The following TTLL11 variants were observed in gnomAD, a reference collection of about 807,000 sequenced individuals.
TTLL11 encodes tubulin polyglutamylase TTLL11.
Under a neutral mutation model 51.7 loss-of-function variants are expected in TTLL11, and 42 were observed. That is an observed-to-expected ratio of 0.81 (90% CI 0.64 to 1.05). The LOEUF (loss-of-function observed/expected upper bound fraction) is 1.05, where lower values mean the gene tolerates loss of function less well. Ranked by LOEUF, TTLL11 falls within the 50% of genes least tolerant of loss-of-function variation. TTLL11 has a pLI of 0.00. For missense variants in TTLL11, 799 were observed against 940.4 expected (o/e 0.85, Z 1.97); for synonymous variants, 381 against 383.5 (o/e 0.99, Z 0.08).
intron 8 of TTLL11, among the ~76,000 whole-genome samples, chr9:121,832,702 G>A: frequency 6.6e-6 from 1 of 152,172 alleles, no homozygotes; most frequent in East Asian, 1.9e-4. Flanking sequence ...CACTTTGAGA[G>A]GCCAAAGTGG....
In TTLL11 at chr9:122,065,456, T is replaced by G. The variant is rs570474112; in HGVS notation, c.463-26088A>C. Among the ~76,000 whole-genome samples, 16 of 152,316 alleles carry G rather than the reference T, an allele frequency of 1.1e-4. No individual in the cohort carries two copies. The South Asian group carries it at 1.7e-3, about 16-fold the overall frequency. On this transcript the variant is annotated intron_variant, in intron 1 of 8. Coordinates refer to ENST00000321582, the MANE Select transcript of TTLL11 (RefSeq NM_001139442.2). ...GTCTTCTTAGCATAGGTTATGTGACTTCTGTCAAAACAAAACTGATTCCCA... is the reference window on the plus strand; with the variant it reads ...GTCTTCTTAGCATAGGTTATGTGACGTCTGTCAAAACAAAACTGATTCCCA...
At chr9:121,907,114 C>T (rs903236772) in intron 6 of TTLL11, among the ~76,000 whole-genome samples, 3 of 152,066 alleles carry the variant, frequency 2.0e-5, no homozygotes, top group Non-Finnish European at 4.4e-5. Context: ...TTTCTTTATG[C>T]CCATGTTCGT....
chr9:122,040,511 G>C, intron 1 of TTLL11: 3 of 685,042 alleles, frequency 4.4e-6, no homozygotes, highest in Non-Finnish European at 5.4e-6. Context: ...GGCCATGTTA[G>C]TTCATATTCA....
intron 3 of TTLL11, among the ~76,000 whole-genome samples, chr9:121,991,405 G>A (rs1353635881): frequency 6.6e-6 from 1 of 152,166 alleles, no homozygotes; most frequent in East Asian, 1.9e-4. Flanking sequence ...AAGCCTCCCA[G>A]GGCCTTCCAC....
At chr9:121,843,704 G>T (rs1292193347) in intron 8 of TTLL11, among the ~76,000 whole-genome samples, 4 of 152,018 alleles carry the variant, frequency 2.6e-5, no homozygotes, top group African/African-American at 9.7e-5. Context: ...ACAGGGTCTT[G>T]CCCTGTCACC....
At chr9:121,942,826 G>T (rs531819045) in intron 6 of TTLL11, among the ~76,000 whole-genome samples, 1 of 140,656 alleles carries the variant, frequency 7.1e-6, no homozygotes, top group Non-Finnish European at 1.5e-5. Flanking sequence ...ACTGCCTGAT[G>T]ATTTTCCCTT....
intron 6 of TTLL11, among the ~76,000 whole-genome samples, chr9:121,893,145 CTTTAAG>C (rs990701952): frequency 1.3e-4 from 20 of 152,212 alleles, no homozygotes; most frequent in Admixed American, 1.1e-3. Flanking sequence ...TATTTTATGC[CTTTAAG>C]TTTATTTCCT....
At chr9:121,869,181 C>A (rs1296415620) in intron 7 of TTLL11, among the ~76,000 whole-genome samples, 1 of 152,184 alleles carries the variant, frequency 6.6e-6, no homozygotes, top group Non-Finnish European at 1.5e-5. Context: ...AGTCACCATG[C>A]AAAATTACTA....
intron 4 of TTLL11, among the ~76,000 whole-genome samples, chr9:121,976,630 G>A (rs1842719156): frequency 6.6e-6 from 1 of 152,146 alleles, no homozygotes; most frequent in Admixed American, 6.5e-5. Flanking sequence ...TATAGAATAT[G>A]CATTAGTTAA....
chr9:121,898,265 G>C (rs1839619571), intron 6 of TTLL11, among the ~76,000 whole-genome samples: 1 of 152,208 alleles, frequency 6.6e-6, no homozygotes, highest in Non-Finnish European at 1.5e-5. Context: ...CCCACAGAGA[G>C]AAAAGCTGGG....
chr9:121,968,159 C>T (rs1435031535), intron 6 of TTLL11, among the ~76,000 whole-genome samples: 2 of 152,198 alleles, frequency 1.3e-5, no homozygotes, highest in South Asian at 2.1e-4. Flanking sequence ...ATTTATATAA[C>T]GTTTCCAGAA....
intron 3 of TTLL11, among the ~76,000 whole-genome samples, chr9:122,011,958 G>A (rs886262047): frequency 5.3e-5 from 8 of 152,158 alleles, no homozygotes; most frequent in East Asian, 3.8e-4. Context: ...GCATGTTTGC[G>A]TGAGGGGAAA....
At chr9:121,922,866 T>G (rs142119523) in intron 6 of TTLL11, among the ~76,000 whole-genome samples, 2 of 152,022 alleles carry the variant, frequency 1.3e-5, no homozygotes, top group Non-Finnish European at 2.9e-5. Context: ...TTCCCAGTAC[T>G]ATAAAATGAA....
intron 6 of TTLL11, among the ~76,000 whole-genome samples, chr9:121,872,961 T>A (rs1588084871): frequency 6.6e-6 from 1 of 152,204 alleles, no homozygotes; most frequent in Admixed American, 6.5e-5. Context: ...TGCTTTTCAG[T>A]TGAAATGAAA....
intron 4 of TTLL11, among the ~76,000 whole-genome samples, chr9:121,987,006 T>C (rs758314465): frequency 6.6e-6 from 1 of 151,692 alleles, no homozygotes; most frequent in Non-Finnish European, 1.5e-5. Context: ...TTATGTGTAG[T>C]GGAAAAGAAT....
intron 1 of TTLL11, among the ~76,000 whole-genome samples, chr9:122,057,417 G>A (rs899824375): frequency 2.7e-5 from 4 of 150,730 alleles, no homozygotes; most frequent in Non-Finnish European, 5.9e-5. Context: ...CGGCTCCCGG[G>A]TTCAAGCAAT....
intron 6 of TTLL11, among the ~76,000 whole-genome samples, chr9:121,903,214 C>T (rs1839829981): frequency 6.6e-6 from 1 of 152,130 alleles, no homozygotes; most frequent in Non-Finnish European, 1.5e-5. Context: ...GACAGAAAAA[C>T]TAAAGATTAA....
At chr9:121,960,812 C>A in intron 6 of TTLL11, among the ~76,000 whole-genome samples, 1 of 152,034 alleles carries the variant, frequency 6.6e-6, no homozygotes, top group East Asian at 1.9e-4. Flanking sequence ...GGAAAGCCAG[C>A]CCCACAGCTA....
At chr9:122,083,084 T>A (rs962626629) in intron 1 of TTLL11, among the ~76,000 whole-genome samples, 1 of 152,106 alleles carries the variant, frequency 6.6e-6, no homozygotes, top group African/African-American at 2.4e-5. Context: ...CAGTATATAT[T>A]TGTATCTCTA....
Sources: allele counts gnomAD v4.1 joint callset (sites outside exome capture counted in the v4.1 genomes callset), GRCh38; gene constraint gnomAD v4.1.1; transcripts MANE v1.5; gene names NCBI Gene and HGNC (gene_info 2026-07-23, HGNC 2026-07-21).